The following MMP12 variants were observed in gnomAD, a reference collection of about 807,000 sequenced individuals.
MMP12 encodes matrix metallopeptidase 12.
MMP12 carries 51 observed loss-of-function variants against 45.2 expected under a neutral mutation model. That is an observed-to-expected ratio of 1.13 (90% confidence interval 0.90 to 1.42). The LOEUF (loss-of-function observed/expected upper bound fraction) is 1.42, where lower values mean the gene tolerates loss of function less well. Among genes scored for constraint, MMP12 ranks in the 40% most tolerant of loss-of-function variants. The pLI, the probability that MMP12 is intolerant of heterozygous loss-of-function variation, is 0.00. For synonymous variants in MMP12, 210 were observed against 193.3 expected, an observed-to-expected ratio of 1.09 and a Z score of -0.72; for missense variants, 530 against 570.8, an observed-to-expected ratio of 0.93 and a Z score of 0.73.
At chr11:102,869,493 C>T (rs1419429239) in intron 4 of MMP12, among the ~76,000 whole-genome samples, 2 of 152,098 alleles carry the variant, frequency 1.3e-5, no homozygotes, top group African/African-American at 2.4e-5. Context: ...CACTAGATTG[C>T]GTGCTCAGGG....
intron 1 of MMP12, among the ~76,000 whole-genome samples, chr11:102,873,632 C>G (rs1006083099): frequency 1.3e-5 from 2 of 151,806 alleles, no homozygotes; most frequent in African/African-American, 4.8e-5. Context: ...AACAAAAAAA[C>G]AAAGACATGT....
At chr11:102,864,347 A>G in intron 8 of MMP12, 95 bp from the exon 9 acceptor site, 1 of 796,878 alleles carries the variant, frequency 1.3e-6, no homozygotes, top group Non-Finnish European at 2.1e-6. Context: ...GCTCTTCCCC[A>G]AAGGACTTAA....
chr11:102,867,345 G>A lies in MMP12; in HGVS notation c.836C>T (p.Pro279Leu). ...QRLPNPDNSE[P>L]ALCDPNLSFD... ...ACTCAAATTGGGGTCACAGAGAGCTGGTTCTGAATTGTCAGGATTTGGCAA... is the reference window on the plus strand; with the variant it reads ...ACTCAAATTGGGGTCACAGAGAGCTAGTTCTGAATTGTCAGGATTTGGCAA... Residue 279 changes from proline to leucine, a missense_variant, in exon 6 of 10, where the codon CCA becomes CTA. Coordinates refer to ENST00000571244, the MANE Select transcript of MMP12 (RefSeq NM_002426.6). 2 of 1,611,350 alleles carry A rather than the reference G, an allele frequency of 1.2e-6. No individual in the cohort carries two copies. The highest frequency in any genetic ancestry group is 1.1e-5 in the South Asian group (1 of 90,330).
At chr11:102,872,774 C>T (rs1555009557) in intron 2 of MMP12, 91 bp downstream of exon 2, 4 of 1,409,578 alleles carry the variant, frequency 2.8e-6, no homozygotes, top group Non-Finnish European at 9.5e-7. Context: ...ACTTTATCTA[C>T]TTCCAGATTT....
At chr11:102,867,467 A>G (rs1555008742) in intron 5 of MMP12, 74 bp from the exon 6 acceptor site, 9 of 1,346,218 alleles carry the variant, frequency 6.7e-6, no homozygotes, top group Non-Finnish European at 6.0e-6. Context: ...GTTATGTTTT[A>G]AATACTCAAT....
intron 5 of MMP12, 101 bp from the exon 6 acceptor site, chr11:102,867,494 G>T (rs1230332695): frequency 1.7e-5 from 20 of 1,155,992 alleles, no homozygotes; most frequent in Non-Finnish European, 2.4e-5. Flanking sequence ...AATGAACATT[G>T]CATCAAAATC....
intron 9 of MMP12, among the ~76,000 whole-genome samples, chr11:102,863,473 C>T (rs28381698): frequency 0.012 from 1,777 of 152,064 alleles, 34 homozygotes; most frequent in African/African-American, 0.04. Flanking sequence ...GATTTGAGGA[C>T]ATAAAAGTTG....
Position 102,874,882 on chromosome 11 carries a change from AG to A in MMP12, c.55del (p.Leu19Ter), listed in dbSNP as rs1214660151. 6.8e-6 allele frequency: 11 copies of A among 1,607,482 alleles called. No homozygotes were observed. The highest frequency in any genetic ancestry group is 9.3e-6 in the Non-Finnish European group (11 of 1,176,750). On this transcript the variant is annotated frameshift_variant, in exon 1 of 10. Transcript: ENST00000571244. LOFTEE classifies it high-confidence loss of function. ...LQATASGALP[L>X]NSSTSLEKNN... ...TTTTTCCAGGCTTGTAGAGCTGTTC[AG>A]GGGAAGAGCTCCAGAAGCAGTGGCC...
Position 102,874,875 on chromosome 11 carries a change from G to A in MMP12, c.63C>T (p.Ser21=), listed in dbSNP as rs781947189. The change falls in exon 1 of 10, where the codon AGC becomes AGT. Residue 21 remains serine (S), a synonymous_variant. Coordinates refer to ENST00000571244, the MANE Select transcript of MMP12 (RefSeq NM_002426.6). ...ATASGALPLN[S]STSLEKNNVL... The stretch of plus-strand genomic sequence containing the variant: ...CATTATTTTTTTCCAGGCTTGTAGA[G>A]CTGTTCAGGGGAAGAGCTCCAGAAG... The A allele has an allele frequency of 4.4e-6, 7 of 1,607,264 alleles. No homozygotes were observed. In the African/African-American group the frequency reaches 6.7e-5, roughly 15 times the overall value.
chr11:102,874,957 C>A lies in MMP12; in HGVS notation c.-20G>T. ...CTTCATTGTAAACTTCTAAACGGAT[C>A]AATTCAGTTTACTGTGTTCCTTTCT... On this transcript the variant is annotated 5_prime_UTR_variant, in exon 1 of 10. Coordinates refer to ENST00000571244, the MANE Select transcript of MMP12 (RefSeq NM_002426.6). The A allele has an allele frequency of 6.8e-7, 1 of 1,478,732 alleles. No individual in the cohort carries two copies. Among genetic ancestry groups the A allele is most frequent in the South Asian group, 1.2e-5 (1 of 82,984 alleles). The allele number at this position is 1,478,732 out of a possible 1,614,324, so 91.6% of individuals were successfully genotyped here.
rs1555008042 is a variant in MMP12, at chr11:102,863,135, T to C, written c.1378A>G (p.Lys460Glu). 2 of 1,611,914 alleles carry C rather than the reference T, an allele frequency of 1.2e-6. No homozygotes were observed. The highest frequency in any genetic ancestry group is 1.1e-5 in the South Asian group (1 of 90,710). ...EYDFLLQRIT[K>E]TLKSNSWFGC is the part of the protein sequence containing the mutation. ...AACCAGCTATTGCTTTTCAGTGTTT[T>C]GGTGATACGTTGGAGTAGGAAGTCA... Residue 460 changes from lysine (K) to glutamate (E), a missense_variant, in exon 10 of 10, where the codon AAA becomes GAA. By Grantham distance (56) the Lys-to-Glu change is moderately conservative. Transcript: ENST00000571244.
chr11:102,863,456 G>A (rs551999096), intron 9 of MMP12, among the ~76,000 whole-genome samples: 1 of 152,168 alleles, frequency 6.6e-6, no homozygotes, highest in Middle Eastern at 3.4e-3. Context: ...AAAATAAGAT[G>A]AGATGTGATT....
chr11:102,872,950 C>T lies in MMP12; in HGVS notation c.265G>A (p.Ala89Thr), dbSNP rs200973192. Residue 89 changes from alanine to threonine, a missense_variant, in exon 2 of 10, where the codon GCA becomes ACA. Ala to Thr is a moderately conservative substitution (Grantham distance 58). Coordinates refer to ENST00000571244, the MANE Select transcript of MMP12 (RefSeq NM_002426.6). ...LDTSTLEMMH[A>T]PRCGVPDVHH... ...ACATCGGGGACTCCACATCGAGGTGCGTGCATCATCTCCAGGGTAGATGTG... is the reference window on the plus strand; with the variant it reads ...ACATCGGGGACTCCACATCGAGGTGTGTGCATCATCTCCAGGGTAGATGTG... 3.7e-5 allele frequency: 59 copies of T among 1,613,554 alleles called. 1 individual carries two copies. Among genetic ancestry groups the T allele is most frequent in the South Asian group, 2.9e-4 (26 of 90,994 alleles).
chr11:102,868,036 A>T lies in MMP12; in HGVS notation c.659T>A (p.Ile220Asn). Reference protein sequence around the residue: ...TNLFLTAVHEIGHSLGLGHSS... With the variant: ...TNLFLTAVHENGHSLGLGHSS... Reference sequence around the variant, plus strand: ...ATGGCCAAGACCTAAGGAATGGCCAATCTCGTGAACAGCAGTGAGGAACAA... The same window carrying T: ...ATGGCCAAGACCTAAGGAATGGCCATTCTCGTGAACAGCAGTGAGGAACAA... Residue 220 changes from isoleucine (I) to asparagine (N), a missense_variant, in exon 5 of 10, where the codon ATT becomes AAT. Transcript: ENST00000571244. 6.2e-7 allele frequency: 1 copy of T among 1,602,758 alleles called. No individual in the cohort carries two copies. Among genetic ancestry groups the T allele is most frequent in the Non-Finnish European group, 8.5e-7 (1 of 1,174,594 alleles).
rs1555008474 is a variant in MMP12 at position 102,865,965 on chromosome 11, G to C, written c.1046-30C>G. On this transcript the variant is annotated intron_variant, in intron 7 of 9. Coordinates refer to ENST00000571244, the MANE Select transcript of MMP12 (RefSeq NM_002426.6). The surrounding 1 kb of genome is among the most constrained non-coding windows in gnomAD (Gnocchi z 4.1). ...GAAGACAAAGAAATAGGGTAAATTT[G>C]AATTATACAGGAAGAGTAATAAGAA... The C allele has an allele frequency of 1.3e-6, 2 of 1,518,706 alleles. No individual in the cohort carries two copies. The highest frequency in any genetic ancestry group is 2.4e-5 in the South Asian group (2 of 84,816). 94.1% of individuals were successfully genotyped at this position (1,518,706 alleles called of 1,614,324 possible). A position where few individuals can be genotyped will look rare whatever the true frequency, so the allele number is the denominator to read the frequency against.
chr11:102,863,762 T>C (rs1859334530), intron 9 of MMP12, among the ~76,000 whole-genome samples: 1 of 152,182 alleles, frequency 6.6e-6, no homozygotes. Flanking sequence ...GAAGGGACTA[T>C]AGGAAAGGTC....
rs537077315 is a variant in MMP12, at chr11:102,872,562, C to T, written c.350+303G>A. Among the ~76,000 whole-genome samples the T allele has an allele frequency of 2.1e-3, 317 of 152,206 alleles. 13 individuals are homozygous for T. In the South Asian group the frequency reaches 0.065, roughly 31 times the overall value. ...TTCACCATGTTGGCCAGGATGGTCT[C>T]CATCTCCTGACCTCGTGATCCACCC... On this transcript the variant is annotated intron_variant, in intron 2 of 9. Transcript: ENST00000571244.
intron 1 of MMP12, among the ~76,000 whole-genome samples, chr11:102,873,793 C>G (rs2134425348): frequency 6.6e-6 from 1 of 152,090 alleles, no homozygotes; most frequent in East Asian, 1.9e-4. Context: ...CTTTGAGAGG[C>G]CAGGGTGGAA....
intron 4 of MMP12, among the ~76,000 whole-genome samples, chr11:102,871,359 C>A (rs1859491179): frequency 6.6e-6 from 1 of 152,130 alleles, no homozygotes; most frequent in Admixed American, 6.5e-5. Context: ...TAGAGCTGAT[C>A]TTCAAGATGA....
Sources: gnomAD v4.1 joint callset for allele counts (sites outside exome capture counted in the v4.1 genomes callset) on GRCh38, gnomAD v4.1.1 for gene constraint, Gnocchi (gnomAD v3.1) non-coding constraint, MANE v1.5 for transcripts, NCBI Gene and HGNC (gene_info 2026-07-23, HGNC 2026-07-21) for gene names.